F13A1: variants seen among roughly 807,000 people sequenced by gnomAD.
The protein encoded by F13A1 is coagulation factor XIII A chain, also known as FSF, A subunit.
Under a neutral mutation model 80.1 loss-of-function variants are expected in F13A1, and 47 were observed. The observed-to-expected ratio is 0.59, with a 90% confidence interval of 0.46 to 0.75. The LOEUF is 0.75. Among genes scored for constraint, F13A1 ranks in the 30% least tolerant of loss-of-function variants. F13A1 has a pLI of 0.00. For missense variants in F13A1, 817 were observed against 930.4 expected, an observed-to-expected ratio of 0.88 and a Z score of 1.59; for synonymous variants, 349 against 344.9, an observed-to-expected ratio of 1.01 and a Z score of -0.13.
At chr6:6,269,168 C>G (rs996466053) in intron 3 of F13A1, among the ~76,000 whole-genome samples, 1 of 152,186 alleles carries the variant, frequency 6.6e-6, no homozygotes, top group African/African-American at 2.4e-5. Context: ...TCAGCTGGCT[C>G]TAACACTTCT....
intron 3 of F13A1, among the ~76,000 whole-genome samples, chr6:6,302,881 G>A (rs1758455577): frequency 6.6e-6 from 1 of 152,148 alleles, no homozygotes; most frequent in African/African-American, 2.4e-5. Context: ...CAGTGTCAGA[G>A]TTTCCAGTTT....
chr6:6,267,074 A>G lies in F13A1; in HGVS notation c.320-265T>C, dbSNP rs542710698. Among the ~76,000 whole-genome samples, 18 of 152,244 alleles carry G rather than the reference A, an allele frequency of 1.2e-4. No homozygotes were observed. The South Asian group carries it at 3.3e-3, about 28-fold the overall frequency. ...GACAAGCAAACAGTGCTCCATTGTA[A>G]CCTCCCTAATTACTAATTTCAAAGA... On this transcript the variant is annotated intron_variant, in intron 3 of 14. Transcript: ENST00000264870.
At chr6:6,167,343 T>C (rs1398307436) in intron 13 of F13A1, 115 bp downstream of exon 13, 21 of 862,714 alleles carry the variant, frequency 2.4e-5, no homozygotes, top group Non-Finnish European at 3.5e-5. Flanking sequence ...TTTTTTTTTT[T>C]TTTGAGCAGG....
At chr6:6,281,311 A>T (rs902364958) in intron 3 of F13A1, among the ~76,000 whole-genome samples, 5 of 152,156 alleles carry the variant, frequency 3.3e-5, no homozygotes, top group African/African-American at 1.2e-4. Flanking sequence ...CATTCTGAAG[A>T]CCTTGTCTTC....
chr6:6,258,084 G>T (rs1178847353), intron 4 of F13A1, among the ~76,000 whole-genome samples: 1 of 151,900 alleles, frequency 6.6e-6, no homozygotes, highest in African/African-American at 2.4e-5. Context: ...AATCTTCTCG[G>T]CTGGCCATCT....
In F13A1 at chr6:6,250,808, C is replaced by T; in HGVS notation, c.690+3G>A. On this transcript the variant is annotated splice_donor_region_variant and intron_variant, in intron 5 of 14. Coordinates refer to ENST00000264870, the MANE Select transcript of F13A1 (RefSeq NM_000129.4). This position sits in a 1 kb window ranked among gnomAD's most constrained non-coding sequence, Gnocchi z 4.2. ...TGACAATAACAAATTTTAAGTGGCT[C>T]ACCTGACCATAGCTCCAGCTTCTGG... 6.3e-7 allele frequency: 1 copy of T among 1,598,314 alleles called. No individual in the cohort carries two copies. Among genetic ancestry groups the T allele is most frequent in the Non-Finnish European group, 8.6e-7 (1 of 1,165,940 alleles).
intron 10 of F13A1, 63 bp from the exon 11 acceptor site, chr6:6,182,204 C>G: frequency 6.3e-7 from 1 of 1,581,108 alleles, no homozygotes; most frequent in Non-Finnish European, 8.7e-7. Flanking sequence ...AAGTCTTTAA[C>G]TGTCCATAGA....
intron 3 of F13A1, among the ~76,000 whole-genome samples, chr6:6,267,740 T>A (rs949697890): frequency 1.3e-4 from 19 of 151,398 alleles, no homozygotes; most frequent in African/African-American, 1.2e-4. Context: ...ATGATAGATT[T>A]AAAAAAAAAT....
chr6:6,255,560 T>C (rs936296263), intron 4 of F13A1, among the ~76,000 whole-genome samples: 1 of 152,046 alleles, frequency 6.6e-6, no homozygotes, highest in Non-Finnish European at 1.5e-5. Flanking sequence ...ACTGAAAGAA[T>C]GAGAGATGGG....
At chr6:6,158,894 T>C (rs942116223) in intron 13 of F13A1, among the ~76,000 whole-genome samples, 6 of 132,960 alleles carry the variant, frequency 4.5e-5, no homozygotes, top group African/African-American at 1.8e-4. Context: ...TGGTTTCCCC[T>C]TTTTTTCTTT....
chr6:6,226,849 T>C (rs1177988160), intron 6 of F13A1, among the ~76,000 whole-genome samples: 1 of 152,138 alleles, frequency 6.6e-6, no homozygotes, highest in African/African-American at 2.4e-5. Context: ...ATTACTGGTA[T>C]TAAGACAGAA....
intron 11 of F13A1, among the ~76,000 whole-genome samples, chr6:6,179,939 C>A (rs187010237): frequency 3.3e-5 from 5 of 152,314 alleles, no homozygotes; most frequent in Non-Finnish European, 7.4e-5. Flanking sequence ...TTTAGTCTTT[C>A]CTCTCGTGGC....
intron 3 of F13A1, among the ~76,000 whole-genome samples, chr6:6,270,537 A>G (rs1757907420): frequency 6.6e-6 from 1 of 152,230 alleles, no homozygotes; most frequent in Non-Finnish European, 1.5e-5. Context: ...AGTGACAGGA[A>G]ATAAGTTTTA....
chr6:6,175,328 A>G (rs1352148419), intron 11 of F13A1, among the ~76,000 whole-genome samples: 1 of 152,112 alleles, frequency 6.6e-6, no homozygotes, highest in African/African-American at 2.4e-5. Context: ...GCCCCCCAAT[A>G]AGACCTGTCT....
chr6:6,199,444 G>C (rs1335184710), intron 8 of F13A1, among the ~76,000 whole-genome samples: 2 of 151,250 alleles, frequency 1.3e-5, no homozygotes, highest in African/African-American at 4.9e-5. Flanking sequence ...AGTGAGCTGA[G>C]ATCACCCCAC....
intron 3 of F13A1, among the ~76,000 whole-genome samples, chr6:6,289,392 G>A (rs995754085): frequency 2.6e-5 from 4 of 152,004 alleles, no homozygotes; most frequent in African/African-American, 9.7e-5. Flanking sequence ...ACCACAGTGT[G>A]TTACTTCACT....
At chr6:6,305,100 G>A in intron 3 of F13A1, 2 of 538,866 alleles carry the variant, frequency 3.7e-6, no homozygotes, top group Non-Finnish European at 6.7e-6. Flanking sequence ...GAATAATTTA[G>A]TTAAGCAACA....
intron 3 of F13A1, 68 bp from the exon 4 acceptor site, chr6:6,266,877 A>G (rs1757853049): frequency 8.1e-6 from 13 of 1,601,692 alleles, no homozygotes; most frequent in Non-Finnish European, 1.1e-5. Context: ...TCACTCTGTT[A>G]TCTTATAGCT....
At chr6:6,283,386 C>A (rs921538582) in intron 3 of F13A1, among the ~76,000 whole-genome samples, 4 of 152,130 alleles carry the variant, frequency 2.6e-5, no homozygotes, top group African/African-American at 9.7e-5. Context: ...CAAATGTGTT[C>A]TAAAGATTAG....
Sources: gnomAD v4.1 joint callset for allele counts (sites outside exome capture counted in the v4.1 genomes callset) on GRCh38, gnomAD v4.1.1 for gene constraint, Gnocchi (gnomAD v3.1) non-coding constraint, MANE v1.5 for transcripts, NCBI Gene and HGNC (gene_info 2026-07-23, HGNC 2026-07-21) for gene names.